GPD2: variants seen among roughly 807,000 people sequenced by gnomAD.
The protein encoded by GPD2 is glycerol-3-phosphate dehydrogenase 2, also known as glycerol-3-phosphate dehydrogenase, mitochondrial.
A neutral mutation model predicts 82.4 loss-of-function variants in GPD2; 54 were observed. The observed-to-expected ratio is 0.66, with a 90% CI of 0.53 to 0.82. The LOEUF (loss-of-function observed/expected upper bound fraction) is 0.82. GPD2 is among the 40% of genes least tolerant of loss of function. GPD2 has a pLI of 0.00. For synonymous variants in GPD2, 288 were observed against 306.1 expected (o/e 0.94, Z 0.62); for missense variants, 748 against 896.2 (o/e 0.83, Z 2.11).
At chr2:156,489,249 GA>G (rs1045831320) in intron 2 of GPD2, among the ~76,000 whole-genome samples, 1 of 152,226 alleles carries the variant, frequency 6.6e-6, no homozygotes, top group African/African-American at 2.4e-5. Flanking sequence ...ATCTCAGATA[GA>G]AATTCTGATT....
At chr2:156,527,287 C>T (rs762014682) in intron 6 of GPD2, among the ~76,000 whole-genome samples, 4 of 151,950 alleles carry the variant, frequency 2.6e-5, no homozygotes, top group Non-Finnish European at 4.4e-5. Flanking sequence ...GTCTTCGGTA[C>T]ATAGTTTTTA....
In GPD2 at chr2:156,578,912, G is replaced by C. The variant is rs879169842; in HGVS notation, c.1791G>C (p.Lys597Asn). The C allele has an allele frequency of 6.2e-7, 1 of 1,605,994 alleles. No individual in the cohort carries two copies. The highest frequency in any genetic ancestry group is 1.7e-5 in the Admixed American group (1 of 60,012). Residue 597 changes from lysine to asparagine, a missense_variant, in exon 14 of 17, where the codon AAG (lysine) becomes AAC (asparagine). Coordinates refer to ENST00000438166, the MANE Select transcript of GPD2 (RefSeq NM_000408.5). The stretch of plus-strand genomic sequence containing the variant: ...AGGAACAACTTGAAACAGCCAGGAA[G>C]TTTCTATATTATGAAATGGGCTATA... ...KKQEQLETAR[K>N]FLYYEMGYKS... is the part of the protein sequence containing the mutation.
At chr2:156,461,580 A>C (rs185671897) in intron 1 of GPD2, among the ~76,000 whole-genome samples, 156 of 152,002 alleles carry the variant, frequency 1.0e-3, no homozygotes, top group African/African-American at 3.6e-3. Flanking sequence ...GGGTCTCACT[A>C]TGTTACCCAG....
chr2:156,458,239 C>A (rs1682854191), intron 1 of GPD2, among the ~76,000 whole-genome samples: 1 of 152,104 alleles, frequency 6.6e-6, no homozygotes, highest in South Asian at 2.1e-4. Flanking sequence ...CTGTGGACTT[C>A]CTTTAGGGCC....
chr2:156,416,734 A>T, the GPD2 span, among the ~76,000 whole-genome samples: 3 of 152,116 alleles, frequency 2.0e-5, no homozygotes, highest in African/African-American at 7.2e-5. Context: ...CAAAACAGAC[A>T]GATATCCCTG....
intron 1 of GPD2, among the ~76,000 whole-genome samples, chr2:156,451,563 G>A (rs1469886382): frequency 7.2e-6 from 1 of 139,596 alleles, no homozygotes; most frequent in African/African-American, 2.7e-5. Flanking sequence ...TGGCCGGGCG[G>A]GGGTCTGACC....
At chr2:156,437,997 T>C (rs1263734503) in intron 1 of GPD2, among the ~76,000 whole-genome samples, 3 of 152,250 alleles carry the variant, frequency 2.0e-5, no homozygotes, top group Admixed American at 6.5e-5. Flanking sequence ...AGCGTGTAAG[T>C]TCTATGAGAG....
At chr2:156,566,141 T>C (rs1393784768) in intron 9 of GPD2, among the ~76,000 whole-genome samples, 1 of 152,140 alleles carries the variant, frequency 6.6e-6, no homozygotes, top group African/African-American at 2.4e-5. Flanking sequence ...GTAAAATATT[T>C]CCTTAACCCT....
chr2:156,488,959 T>C (rs1487029311), intron 2 of GPD2, among the ~76,000 whole-genome samples: 1 of 152,192 alleles, frequency 6.6e-6, no homozygotes, highest in Non-Finnish European at 1.5e-5. Context: ...AATTTTGTGT[T>C]TGGGAGCTGT....
At chr2:156,462,987 A>G (rs1234502223) in intron 1 of GPD2, among the ~76,000 whole-genome samples, 6 of 152,220 alleles carry the variant, frequency 3.9e-5, no homozygotes, top group African/African-American at 1.4e-4. Context: ...AAGTGAGCTC[A>G]AAGATAAACA....
At chr2:156,577,785 A>T (rs1259781659) in intron 13 of GPD2, among the ~76,000 whole-genome samples, 1 of 152,200 alleles carries the variant, frequency 6.6e-6, no homozygotes, top group African/African-American at 2.4e-5. Context: ...CATTACATGA[A>T]GGCTGCGTGT....
At chr2:156,531,138 T>G (rs1434250875) in intron 6 of GPD2, among the ~76,000 whole-genome samples, 1 of 152,252 alleles carries the variant, frequency 6.6e-6, no homozygotes, top group Non-Finnish European at 1.5e-5. Flanking sequence ...TTATTTTAAT[T>G]TGCTACATTT....
chr2:156,513,874 G>A (rs1372121218), intron 6 of GPD2, among the ~76,000 whole-genome samples: 2 of 152,158 alleles, frequency 1.3e-5, no homozygotes, highest in African/African-American at 4.8e-5. Flanking sequence ...CTGAGGATAT[G>A]TTAGGTTTTC....
At chr2:156,580,878 A>T (rs1192706247) in intron 16 of GPD2, among the ~76,000 whole-genome samples, 1 of 152,194 alleles carries the variant, frequency 6.6e-6, no homozygotes, top group Non-Finnish European at 1.5e-5. Flanking sequence ...TATGCTTGGG[A>T]ATTAAAACAC....
intron 1 of GPD2, among the ~76,000 whole-genome samples, chr2:156,440,153 T>A (rs1682116311): frequency 6.6e-6 from 1 of 152,168 alleles, no homozygotes; most frequent in Non-Finnish European, 1.5e-5. Context: ...GGAAGTGGTA[T>A]GTTAGGGGAA....
At chr2:156,446,243 G>A (rs759991290) in intron 1 of GPD2, among the ~76,000 whole-genome samples, 1 of 152,072 alleles carries the variant, frequency 6.6e-6, no homozygotes, top group Non-Finnish European at 1.5e-5. Context: ...TTATAGGCAT[G>A]TGCCACCATG....
At chr2:156,450,827 T>A (rs1331671727) in intron 1 of GPD2, among the ~76,000 whole-genome samples, 1 of 125,738 alleles carries the variant, frequency 8.0e-6, no homozygotes, top group African/African-American at 3.0e-5. Flanking sequence ...GCAGTGTTTG[T>A]GTCCCTGGGT....
chr2:156,471,843 A>T (rs974944424), intron 1 of GPD2, among the ~76,000 whole-genome samples: 8 of 152,240 alleles, frequency 5.3e-5, no homozygotes, highest in African/African-American at 1.9e-4. Flanking sequence ...CTACAGATAG[A>T]TTAATTGCTT....
At chr2:156,552,894 C>CTTTT (rs771404828) in intron 8 of GPD2, among the ~76,000 whole-genome samples, 22 of 107,354 alleles carry the variant, frequency 2.0e-4, no homozygotes, top group South Asian at 6.7e-4. Context: ...TTCCTTATAT[C>CTTTT]TTTTTTTTTT....
Sources: allele counts gnomAD v4.1 joint callset (sites outside exome capture counted in the v4.1 genomes callset), GRCh38; gene constraint gnomAD v4.1.1; transcripts MANE v1.5; gene names NCBI Gene and HGNC (gene_info 2026-07-23, HGNC 2026-07-21).